USP46: variants seen among roughly 807,000 people sequenced by gnomAD.
The protein encoded by USP46 is ubiquitin specific peptidase 46.
USP46 carries 12 observed loss-of-function variants against 44.4 expected under a neutral mutation model. That is an observed-to-expected ratio of 0.27 (90% CI 0.17 to 0.44). USP46 has a LOEUF of 0.44. Among genes scored for constraint, USP46 ranks in the 20% least tolerant of loss-of-function variants. USP46 has a pLI of 1.00. For missense variants in USP46, 248 were observed against 444.8 expected (o/e 0.56, Z 3.98); for synonymous variants, 155 against 161.5 (o/e 0.96, Z 0.31).
At chr4:52,599,891 T>C (rs1716393489) in intron 7 of USP46, among the ~76,000 whole-genome samples, 1 of 152,140 alleles carries the variant, frequency 6.6e-6, no homozygotes, top group Non-Finnish European at 1.5e-5. Flanking sequence ...CTTCATATTA[T>C]GGGCCTTTGC....
At chr4:52,632,989 GAAAAGAAAGAAAGAAA>G (rs1717955081) in intron 1 of USP46, among the ~76,000 whole-genome samples, 1 of 32,000 alleles carries the variant, frequency 3.1e-5, no homozygotes, top group African/African-American at 1.0e-4. Flanking sequence ...AGAAAGAAAA[GAAAAGAAAGAAAGAAA>G]GAAAGAAAGA....
chr4:52,658,238 G>T (rs1229464215), intron 1 of USP46: 3 of 455,948 alleles, frequency 6.6e-6, no homozygotes. Flanking sequence ...AAGTGGAGGC[G>T]CCAGCAGGGT....
At chr4:52,609,694 C>A (rs1716847030) in intron 5 of USP46, among the ~76,000 whole-genome samples, 1 of 151,908 alleles carries the variant, frequency 6.6e-6, no homozygotes, top group South Asian at 2.1e-4. Flanking sequence ...GATGGGGAGG[C>A]ACTTCAGAGA....
intron 1 of USP46, among the ~76,000 whole-genome samples, chr4:52,638,620 T>C (rs1428172276): frequency 1.4e-5 from 2 of 147,928 alleles, no homozygotes; most frequent in East Asian, 1.9e-4. Flanking sequence ...CCCTAAATTA[T>C]ATATATAATA....
At chr4:52,655,176 G>A (rs921386066) in intron 1 of USP46, 28 of 152,196 alleles carry the variant, frequency 1.8e-4, no homozygotes, top group African/African-American at 5.8e-4. Context: ...ACAGCTGCTG[G>A]GAGTTTATTC....
chr4:52,632,920 G>GAA (rs1261419913), intron 1 of USP46, among the ~76,000 whole-genome samples: 1 of 39,090 alleles, frequency 2.6e-5, no homozygotes, highest in Admixed American at 3.2e-4. Flanking sequence ...GAAAGAAAGA[G>GAA]AAAGAAAGAA....
intron 7 of USP46, among the ~76,000 whole-genome samples, chr4:52,600,646 T>C (rs1716432291): frequency 6.6e-6 from 1 of 151,710 alleles, no homozygotes; most frequent in Non-Finnish European, 1.5e-5. Context: ...AGACCCACAC[T>C]GAAAGTCCTG....
chr4:52,629,686 C>A (rs1413187271), intron 2 of USP46: 1 of 456,250 alleles, frequency 2.2e-6, no homozygotes, highest in African/African-American at 2.0e-5. Context: ...TGGACAACTC[C>A]TGGGAAGGGA....
intron 1 of USP46, among the ~76,000 whole-genome samples, chr4:52,638,332 C>T (rs557593159): frequency 9.7e-4 from 147 of 152,152 alleles, no homozygotes; most frequent in African/African-American, 3.4e-3. Context: ...ATGCAGGCAG[C>T]CTCTACAAAC....
intron 5 of USP46, 52 bp from the exon 6 acceptor site, chr4:52,604,636 T>A: frequency 7.9e-7 from 1 of 1,267,688 alleles, no homozygotes; most frequent in Non-Finnish European, 1.1e-6. Flanking sequence ...CTACTTGGTA[T>A]ACTATGTTTT....
chr4:52,631,776 T>G (rs1373500877), intron 1 of USP46, among the ~76,000 whole-genome samples: 2 of 152,016 alleles, frequency 1.3e-5, no homozygotes, highest in African/African-American at 4.8e-5. Flanking sequence ...GAGGCCGAGG[T>G]GAGCGGATCA....
chr4:52,618,882 T>C (rs1717270461), intron 4 of USP46, among the ~76,000 whole-genome samples: 1 of 152,194 alleles, frequency 6.6e-6, no homozygotes, highest in African/African-American at 2.4e-5. Context: ...TGAGGAGCTG[T>C]AAAATTGGTA....
chr4:52,626,376 G>T, intron 3 of USP46, 129 bp from the exon 4 acceptor site: 1 of 747,298 alleles, frequency 1.3e-6, no homozygotes, highest in Non-Finnish European at 2.1e-6. Context: ...AGGCTAGAGC[G>T]TAGTGGCATG....
chr4:52,612,704 G>A (rs986250295), intron 4 of USP46, among the ~76,000 whole-genome samples: 6 of 152,210 alleles, frequency 3.9e-5, no homozygotes, highest in Non-Finnish European at 5.9e-5. Flanking sequence ...TTGCAGACAC[G>A]TGAGTGGGCT....
At chr4:52,630,573 T>C (rs1717779981) in intron 2 of USP46, among the ~76,000 whole-genome samples, 1 of 151,938 alleles carries the variant, frequency 6.6e-6, no homozygotes, top group Non-Finnish European at 1.5e-5. Context: ...GGCAAAACCC[T>C]GTCTCTACTA....
At position 52,640,075 on chromosome 4, in the gene USP46, AT is replaced by A. The variant is rs773488990; in HGVS notation, c.37-8932del. Among the ~76,000 whole-genome samples, 15 of 152,216 alleles carry A rather than the reference AT, an allele frequency of 9.9e-5. No homozygotes were observed. The East Asian group carries it at 2.7e-3, about 27-fold the overall frequency. ...CAAGCTTTCTAACAGGAAAAAAAAA[AT>A]GGGAGTAACTTGAATTGGGTAAATA... On this transcript the variant is annotated intron_variant, in intron 1 of 8. Transcript: ENST00000441222.
chr4:52,614,690 A>G (rs370607058), intron 4 of USP46, among the ~76,000 whole-genome samples: 1 of 152,234 alleles, frequency 6.6e-6, no homozygotes, highest in African/African-American at 2.4e-5. Flanking sequence ...CAGATCCTTA[A>G]GAATAAAATG....
rs878938333 is a variant in USP46 at position 52,596,919 on chromosome 4, C to A, written c.*721G>T. 6.6e-5 allele frequency: 10 copies of A among 152,556 alleles called. No individual in the cohort carries two copies. The highest frequency in any genetic ancestry group is 2.2e-4 in the African/African-American group (9 of 41,420). 9.5% of individuals were successfully genotyped at this position (152,556 alleles called of 1,614,324 possible). On this transcript the variant is annotated 3_prime_UTR_variant, in exon 9 of 9. Transcript: ENST00000441222. ...GAAACTTGGTTTTGGTAGAAAGGTACGAAAATAACTTTTCATTGTCCACAA... is the reference window on the plus strand; with the variant it reads ...GAAACTTGGTTTTGGTAGAAAGGTAAGAAAATAACTTTTCATTGTCCACAA...
chr4:52,652,035 T>C (rs111707666), intron 1 of USP46, among the ~76,000 whole-genome samples: 1 of 152,312 alleles, frequency 6.6e-6, no homozygotes, highest in Non-Finnish European at 1.5e-5. Context: ...ATTGTCCCTG[T>C]TTTCAGACAA....
Sources: allele counts gnomAD v4.1 joint callset (sites outside exome capture counted in the v4.1 genomes callset), GRCh38; gene constraint gnomAD v4.1.1; transcripts MANE v1.5; gene names NCBI Gene and HGNC (gene_info 2026-07-23, HGNC 2026-07-21).